Variants in MEGF10 observed in about 807,000 individuals in gnomAD.
MEGF10 encodes the protein multiple EGF like domains 10.
MEGF10 carries 86 observed loss-of-function variants against 147.5 expected under a neutral mutation model. The observed-to-expected ratio is 0.58, with a 90% CI of 0.49 to 0.70. The LOEUF is 0.70. Ranked by LOEUF, MEGF10 falls within the 30% of genes least tolerant of loss-of-function variation. The pLI is 0.00. For synonymous variants in MEGF10, 478 were observed against 525.5 expected (o/e 0.91, Z 1.24); for missense variants, 1,329 against 1,487.3 (o/e 0.89, Z 1.75).
chr5:127,443,098 C>A lies in MEGF10; in HGVS notation c.2463C>A (p.Pro821=), dbSNP rs139929890. Residue 821 remains proline (P), a synonymous_variant, in exon 19 of 25, where the codon CCC becomes CCA. Coordinates refer to ENST00000503335, the MANE Select transcript of MEGF10 (RefSeq NM_001256545.2). ...TCACTGGGACCTGTTACTGCAGCCC[C>A]GGATGGAAGGGAGCGAGATGTGATC... ...DHITGTCYCS[P]GWKGARCDQA... is the part of the protein sequence containing the mutation. The A allele has an allele frequency of 4.3e-6, 7 of 1,613,360 alleles. No homozygotes were observed. Among genetic ancestry groups the A allele is most frequent in the South Asian group, 2.2e-5 (2 of 90,978 alleles).
At chr5:127,419,912 A>G in intron 11 of MEGF10, 132 bp from the exon 12 acceptor site, 2 of 1,051,174 alleles carry the variant, frequency 1.9e-6, no homozygotes, top group Non-Finnish European at 2.7e-6. Context: ...TGGCAGAACC[A>G]GTGTTCTCTG....
chr5:127,302,233 T>TGATAAAGG (rs1759806106), intron 1 of MEGF10, among the ~76,000 whole-genome samples: 1 of 152,164 alleles, frequency 6.6e-6, no homozygotes, highest in Admixed American at 6.5e-5. Context: ...GTCTATCAAC[T>TGATAAAGG]GATAAAGGGA....
intron 4 of MEGF10, among the ~76,000 whole-genome samples, chr5:127,354,924 A>T (rs1300752735): frequency 6.6e-6 from 1 of 152,108 alleles, no homozygotes; most frequent in African/African-American, 2.4e-5. Context: ...AGGCTTGAGC[A>T]AATTGGGCAC....
chr5:127,389,138 C>A (rs1343046889), intron 5 of MEGF10, among the ~76,000 whole-genome samples: 1 of 152,190 alleles, frequency 6.6e-6, no homozygotes, highest in Admixed American at 6.5e-5. Context: ...AGTACTGATG[C>A]CACCACTGAC....
chr5:127,419,845 C>T (rs1431740144), intron 11 of MEGF10, among the ~76,000 whole-genome samples, 199 bp from the exon 12 acceptor site: 2 of 152,202 alleles, frequency 1.3e-5, no homozygotes, highest in Non-Finnish European at 2.9e-5. Context: ...ACACAACACA[C>T]ATGGCTGTTT....
intron 1 of MEGF10, among the ~76,000 whole-genome samples, chr5:127,313,544 A>G (rs1470848004): frequency 6.6e-6 from 1 of 152,242 alleles, no homozygotes; most frequent in Non-Finnish European, 1.5e-5. Flanking sequence ...GCACGGACAC[A>G]TATAAAAACA....
At chr5:127,324,575 G>A (rs771082356) in intron 1 of MEGF10, among the ~76,000 whole-genome samples, 1 of 152,036 alleles carries the variant, frequency 6.6e-6, no homozygotes, top group Non-Finnish European at 1.5e-5. Flanking sequence ...TAGGAAGGTC[G>A]TTCCACTTCA....
chr5:127,250,100 G>C, the MEGF10 span, among the ~76,000 whole-genome samples: 2 of 151,930 alleles, frequency 1.3e-5, no homozygotes, highest in Non-Finnish European at 2.9e-5. Flanking sequence ...CCATTTAAAC[G>C]ATAGCAAATA....
the MEGF10 span, among the ~76,000 whole-genome samples, chr5:127,254,896 A>G: frequency 6.6e-6 from 1 of 151,586 alleles, no homozygotes; most frequent in Non-Finnish European, 1.5e-5. Context: ...GATAAAACCA[A>G]CTCACTGAGA....
At chr5:127,322,544 C>T (rs1760830130) in intron 1 of MEGF10, among the ~76,000 whole-genome samples, 1 of 152,198 alleles carries the variant, frequency 6.6e-6, no homozygotes. Flanking sequence ...ACCCTAATCA[C>T]ATTTTACATT....
intron 2 of MEGF10, among the ~76,000 whole-genome samples, chr5:127,335,202 G>C (rs1761414227): frequency 6.6e-6 from 1 of 152,158 alleles, no homozygotes; most frequent in African/African-American, 2.4e-5. Flanking sequence ...GTCTGTTTTA[G>C]AAGCTTTAAA....
intron 13 of MEGF10, among the ~76,000 whole-genome samples, chr5:127,425,526 A>G (rs907466061): frequency 2.6e-5 from 4 of 152,186 alleles, no homozygotes; most frequent in African/African-American, 9.7e-5. Flanking sequence ...CCTCACAATT[A>G]CAGAATACAC....
chr5:127,425,010 A>G (rs1045412299), intron 13 of MEGF10, among the ~76,000 whole-genome samples: 1 of 152,150 alleles, frequency 6.6e-6, no homozygotes, highest in Non-Finnish European at 1.5e-5. Flanking sequence ...ACTCCACCAA[A>G]TCTACTTCTG....
At chr5:127,367,728 A>G (rs1762706673) in intron 4 of MEGF10, among the ~76,000 whole-genome samples, 1 of 152,222 alleles carries the variant, frequency 6.6e-6, no homozygotes, top group Admixed American at 6.5e-5. Flanking sequence ...TAGTAGCTTT[A>G]CTATGTTGAA....
intron 1 of MEGF10, among the ~76,000 whole-genome samples, chr5:127,312,330 C>T (rs1045694599): frequency 6.6e-6 from 1 of 152,228 alleles, no homozygotes; most frequent in Non-Finnish European, 1.5e-5. Flanking sequence ...CAATGCCATT[C>T]AGGCAGTGAG....
Position 127,290,993 on chromosome 5 carries a change from C to A in MEGF10, c.-82C>A. 6.6e-6 allele frequency: 1 copy of A among 152,498 alleles called. No individual in the cohort carries two copies. Among genetic ancestry groups the A allele is most frequent in the African/African-American group, 2.4e-5 (1 of 41,574 alleles). The allele number at this position is 152,498 out of a possible 1,614,324, so 9.4% of individuals were successfully genotyped here. A position where few individuals can be genotyped will look rare whatever the true frequency, so the allele number is the denominator to read the frequency against. Reference sequence around the variant, plus strand: ...GATTGGAACAGATTTTGTGTCTTGGCTGGCTTTGGGTGAAGACCGGGGAGA... The same window carrying A: ...GATTGGAACAGATTTTGTGTCTTGGATGGCTTTGGGTGAAGACCGGGGAGA... On this transcript the variant is annotated 5_prime_UTR_variant, in exon 1 of 25. The change creates a new upstream start codon in the 5' untranslated region. Transcript: ENST00000503335.
At chr5:127,381,535 C>T (rs17165018) in intron 5 of MEGF10, among the ~76,000 whole-genome samples, 9,024 of 152,284 alleles carry the variant, frequency 0.059, 569 homozygotes, top group African/African-American at 0.16. Context: ...CCCTCTCCTA[C>T]TGTCTTGGGC....
chr5:127,274,915 C>T, the MEGF10 span, among the ~76,000 whole-genome samples: 1 of 152,154 alleles, frequency 6.6e-6, no homozygotes, highest in Non-Finnish European at 1.5e-5. Flanking sequence ...ATATCCCTCT[C>T]ATTTTTCTGG....
chr5:127,383,751 G>A (rs1443790219), intron 5 of MEGF10, among the ~76,000 whole-genome samples: 1 of 151,998 alleles, frequency 6.6e-6, no homozygotes, highest in Non-Finnish European at 1.5e-5. Flanking sequence ...ATTCAGTGAG[G>A]AAACAAATGT....
Sources: gnomAD v4.1 joint callset for allele counts (sites outside exome capture counted in the v4.1 genomes callset) on GRCh38, gnomAD v4.1.1 for gene constraint, MANE v1.5 for transcripts, NCBI Gene and HGNC (gene_info 2026-07-23, HGNC 2026-07-21) for gene names.